The following ADCY2 variants were observed in gnomAD, a reference collection of about 807,000 sequenced individuals.
ADCY2 encodes adenylate cyclase type 2.
In ADCY2, 31 loss-of-function variants were observed where a neutral mutation model predicts 125.2. The observed-to-expected ratio is 0.25, with a 90% confidence interval of 0.19 to 0.33. The LOEUF (loss-of-function observed/expected upper bound fraction) is 0.33. Among genes scored for constraint, ADCY2 ranks in the 10% least tolerant of loss-of-function variants. The pLI, the probability that ADCY2 is intolerant of heterozygous loss-of-function variation, is 1.00. For missense variants in ADCY2, 904 were observed against 1,418.2 expected, an observed-to-expected ratio of 0.64 and a Z score of 5.82; for synonymous variants, 512 against 548.4, an observed-to-expected ratio of 0.93 and a Z score of 0.93.
intron 4 of ADCY2, among the ~76,000 whole-genome samples, chr5:7,651,496 G>A (rs113379750): frequency 0.026 from 3,938 of 152,178 alleles, 178 homozygotes; most frequent in African/African-American, 0.09. Context: ...CGATGTCCGA[G>A]GGCAGGAAGC....
intron 19 of ADCY2, 98 bp from the exon 20 acceptor site, chr5:7,789,544 G>C: frequency 7.9e-7 from 1 of 1,261,662 alleles, no homozygotes; most frequent in South Asian, 1.4e-5. Flanking sequence ...TTCTTTTTTC[G>C]GTTTCATTTT....
At chr5:7,623,481 C>T (rs977800018) in intron 3 of ADCY2, among the ~76,000 whole-genome samples, 2 of 152,172 alleles carry the variant, frequency 1.3e-5, no homozygotes, top group African/African-American at 4.8e-5. Context: ...TATGGCAGGA[C>T]TTAATTGACA....
intron 3 of ADCY2, among the ~76,000 whole-genome samples, chr5:7,600,395 T>G (rs1419696347): frequency 6.6e-6 from 1 of 152,136 alleles, no homozygotes; most frequent in Non-Finnish European, 1.5e-5. Flanking sequence ...ACAAATGTAA[T>G]TGGAGCCATT....
At chr5:7,786,257 A>G (rs930273230) in intron 19 of ADCY2, among the ~76,000 whole-genome samples, 4 of 152,204 alleles carry the variant, frequency 2.6e-5, no homozygotes, top group South Asian at 4.1e-4. Flanking sequence ...TAAGGCCCCA[A>G]GTCTTCTGGG....
chr5:7,712,408 C>T (rs6883085), intron 10 of ADCY2, among the ~76,000 whole-genome samples: 7,176 of 152,260 alleles, frequency 0.047, 571 homozygotes, highest in African/African-American at 0.16. Context: ...TGTTTCTTAA[C>T]GCCCCAGTTC....
At chr5:7,551,018 C>A (rs1198297291) in intron 3 of ADCY2, among the ~76,000 whole-genome samples, 1 of 148,850 alleles carries the variant, frequency 6.7e-6, no homozygotes, top group Non-Finnish European at 1.5e-5. Flanking sequence ...TCTTCCCTCC[C>A]TCCCTCCCTC....
chr5:7,637,968 A>T (rs1405556991), intron 4 of ADCY2, among the ~76,000 whole-genome samples: 5 of 152,214 alleles, frequency 3.3e-5, no homozygotes, highest in African/African-American at 1.2e-4. Context: ...ATCAATCAGC[A>T]GCCAGTAGAA....
intron 4 of ADCY2, among the ~76,000 whole-genome samples, chr5:7,627,667 G>C (rs2126659603): frequency 6.6e-6 from 1 of 152,300 alleles, no homozygotes; most frequent in Admixed American, 6.5e-5. Context: ...TTTCATCAAA[G>C]TGTATTGTGG....
intron 2 of ADCY2, among the ~76,000 whole-genome samples, chr5:7,494,194 G>A (rs1010917574): frequency 7.9e-5 from 12 of 152,044 alleles, no homozygotes; most frequent in Non-Finnish European, 1.5e-5. Flanking sequence ...CCATCCAGGG[G>A]AATCACCTGC....
chr5:7,710,058 G>A (rs912872122), intron 10 of ADCY2, among the ~76,000 whole-genome samples: 5 of 152,160 alleles, frequency 3.3e-5, no homozygotes, highest in African/African-American at 1.2e-4. Flanking sequence ...AATGTGCTAA[G>A]GATGCAGTTA....
At chr5:7,506,989 G>C (rs56263205) in intron 2 of ADCY2, among the ~76,000 whole-genome samples, 2 of 148,792 alleles carry the variant, frequency 1.3e-5, no homozygotes, top group Admixed American at 1.3e-4. Context: ...GGGTTTCACC[G>C]TGTTAGCCAG....
rs565024990 is a variant in ADCY2 at position 7,533,619 on chromosome 5, TCTCC to T, written c.570+12724_570+12727del. Reference sequence around the variant, plus strand: ...CTATACATTTTTCTTCAAAAATAGCTCTCCCTCTATGTGTCTGATGAGCTCATTA... The same window carrying T: ...CTATACATTTTTCTTCAAAAATAGCTCTCTATGTGTCTGATGAGCTCATTA... On this transcript the variant is annotated intron_variant, in intron 3 of 24. Transcript: ENST00000338316. Among the ~76,000 whole-genome samples, 558 of 152,304 alleles carry T rather than the reference TCTCC, an allele frequency of 3.7e-3. 3 individuals carry two copies. Among genetic ancestry groups the T allele is most frequent in the African/African-American group, 0.013 (543 of 41,578 alleles).
At chr5:7,522,737 C>T (rs1370972965) in intron 3 of ADCY2, 1 of 77,298 alleles carries the variant, frequency 1.3e-5, no homozygotes, top group Non-Finnish European at 2.3e-5. Flanking sequence ...CCCATCTCTA[C>T]TTAAAAAAAA....
chr5:7,702,254 G>A (rs1249630189), intron 7 of ADCY2, among the ~76,000 whole-genome samples: 1 of 143,398 alleles, frequency 7.0e-6, no homozygotes, highest in Non-Finnish European at 1.5e-5. Flanking sequence ...TAAACTTTCA[G>A]TTCTAGGGTA....
At chr5:7,441,918 C>G (rs2126400733) in intron 2 of ADCY2, among the ~76,000 whole-genome samples, 1 of 152,300 alleles carries the variant, frequency 6.6e-6, no homozygotes, top group South Asian at 2.1e-4. Flanking sequence ...TGTGTCCGGT[C>G]CACCAGCCCG....
intron 2 of ADCY2, among the ~76,000 whole-genome samples, chr5:7,418,647 G>GTTTTTTTTTTGTTTT (rs1740054304): frequency 1.4e-5 from 1 of 73,750 alleles, no homozygotes; most frequent in Non-Finnish European, 2.6e-5. Context: ...TCTACCTTCT[G>GTTTTTTTTTTGTTTT]TTTTTTTTTT....
At chr5:7,650,808 T>C (rs1218936923) in intron 4 of ADCY2, among the ~76,000 whole-genome samples, 2 of 152,212 alleles carry the variant, frequency 1.3e-5, no homozygotes, top group Non-Finnish European at 2.9e-5. Context: ...GTTTTCCCCA[T>C]ATCCTAACAA....
chr5:7,412,086 A>AAAG, intron 1 of ADCY2, among the ~76,000 whole-genome samples: 1 of 151,730 alleles, frequency 6.6e-6, no homozygotes, highest in Non-Finnish European at 1.5e-5. Flanking sequence ...AAAAAAAAAA[A>AAAG]GAGAAGCACG....
chr5:7,626,829 C>T (rs1738146827), intron 4 of ADCY2, among the ~76,000 whole-genome samples: 1 of 152,062 alleles, frequency 6.6e-6, no homozygotes, highest in Admixed American at 6.6e-5. Flanking sequence ...ACCTCCAACA[C>T]TGGGGATCAA....
Sources: allele counts gnomAD v4.1 joint callset (sites outside exome capture counted in the v4.1 genomes callset), GRCh38; gene constraint gnomAD v4.1.1; transcripts MANE v1.5; gene names NCBI Gene and HGNC (gene_info 2026-07-23, HGNC 2026-07-21).